The following TENM3 variants were observed in gnomAD, a reference collection of about 807,000 sequenced individuals.
The protein encoded by TENM3 is teneurin transmembrane protein 3, also known as teneurin-3.
In TENM3, 63 loss-of-function variants were observed where a neutral mutation model predicts 255.1. That is an observed-to-expected ratio of 0.25 (90% confidence interval 0.20 to 0.30). The LOEUF (loss-of-function observed/expected upper bound fraction) is 0.30, where lower values mean the gene tolerates loss of function less well. TENM3 is among the 10% of genes least tolerant of loss of function. The probability of loss-of-function intolerance (pLI) is 1.00; values close to 1 mark genes in which losing one functional copy is unlikely to be tolerated. For synonymous variants in TENM3, 1,306 were observed against 1,322.3 expected (o/e 0.99, Z 0.27); for missense variants, 2,929 against 3,461.1 (o/e 0.85, Z 3.86).
At chr4:181,575,737 CT>C in the TENM3 span, among the ~76,000 whole-genome samples, 2 of 152,164 alleles carry the variant, frequency 1.3e-5, no homozygotes, top group Admixed American at 1.3e-4. Flanking sequence ...GGTTCAACTC[CT>C]TTTTCTTTAG....
At chr4:181,673,609 A>C in the TENM3 span, among the ~76,000 whole-genome samples, 3 of 152,172 alleles carry the variant, frequency 2.0e-5, no homozygotes, top group Non-Finnish European at 4.4e-5. Context: ...CTCATTTTAA[A>C]GTAAGGATTT....
At chr4:182,573,642 G>C (rs1457777801) in intron 3 of TENM3, among the ~76,000 whole-genome samples, 2 of 152,242 alleles carry the variant, frequency 1.3e-5, no homozygotes, top group Non-Finnish European at 2.9e-5. Flanking sequence ...GCAACATGTC[G>C]GTTAAAATTT....
chr4:181,534,235 C>CA, the TENM3 span, among the ~76,000 whole-genome samples: 4,916 of 112,222 alleles, frequency 0.044, 199 homozygotes, highest in East Asian at 0.12. Flanking sequence ...GACTCCACCT[C>CA]AAAAAAAAAA....
chr4:182,044,682 G>A, the TENM3 span, among the ~76,000 whole-genome samples: 1 of 151,684 alleles, frequency 6.6e-6, no homozygotes, highest in Admixed American at 6.6e-5. Context: ...ATTAGCCAAG[G>A]CTATCATTTT....
chr4:181,829,395 A>C, the TENM3 span, among the ~76,000 whole-genome samples: 260 of 152,282 alleles, frequency 1.7e-3, 1 homozygote, highest in South Asian at 0.01. Flanking sequence ...GATGGGGCTA[A>C]ATATGTGTTA....
chr4:181,831,036 C>T, the TENM3 span, among the ~76,000 whole-genome samples: 12 of 152,172 alleles, frequency 7.9e-5, no homozygotes, highest in South Asian at 4.1e-4. Flanking sequence ...ATCTTTCTCT[C>T]TTTCCAACCC....
At chr4:182,515,897 C>T (rs1402827926) in intron 3 of TENM3, among the ~76,000 whole-genome samples, 1 of 152,098 alleles carries the variant, frequency 6.6e-6, no homozygotes, top group East Asian at 1.9e-4. Context: ...CTTGTGATTC[C>T]ACACACAGCT....
chr4:181,871,323 A>G, the TENM3 span, among the ~76,000 whole-genome samples: 2 of 152,104 alleles, frequency 1.3e-5, no homozygotes, highest in African/African-American at 4.8e-5. Context: ...TTGAATCTAT[A>G]GTTCAATTTG....
intron 19 of TENM3, among the ~76,000 whole-genome samples, chr4:182,746,210 A>G (rs1431275270): frequency 6.6e-6 from 1 of 152,214 alleles, no homozygotes; most frequent in African/African-American, 2.4e-5. Flanking sequence ...TTGACACTTA[A>G]TCATACCCGT....
rs201263595 is a variant in TENM3 at position 182,208,287 on chromosome 4, GT to G, written c.-76+63536del. On this transcript the variant is annotated intron_variant, in intron 1 of 2. Coordinates refer to the TENM3 transcript ENST00000512480. ...GATCTGAATGTACCTTAACACGTCA[GT>G]TTCTATGAATATGCTCATGATTCAC... Among the ~76,000 whole-genome samples, 775 of 152,302 alleles carry G rather than the reference GT, an allele frequency of 5.1e-3. 1 individual carries two copies. Among genetic ancestry groups the G allele is most frequent in the African/African-American group, 0.018 (731 of 41,582 alleles).
chr4:181,779,051 A>G, the TENM3 span, among the ~76,000 whole-genome samples: 1 of 152,104 alleles, frequency 6.6e-6, no homozygotes, highest in Non-Finnish European at 1.5e-5. Flanking sequence ...TACTGGAGTG[A>G]GTCTACAAAG....
At chr4:182,327,063 T>TCTG (rs1424691872) in intron 2 of TENM3, among the ~76,000 whole-genome samples, 1 of 152,138 alleles carries the variant, frequency 6.6e-6, no homozygotes, top group Admixed American at 6.5e-5. Context: ...GTAAGGAAAG[T>TCTG]CTGCTATCAG....
At chr4:182,797,449 ATAAT>A (rs530484345) in intron 27 of TENM3, among the ~76,000 whole-genome samples, 15 of 151,848 alleles carry the variant, frequency 9.9e-5, no homozygotes, top group South Asian at 2.1e-4. Flanking sequence ...CAAAAAAAAA[ATAAT>A]TAATTAATTA....
the TENM3 span, among the ~76,000 whole-genome samples, chr4:182,028,131 C>T: frequency 3.9e-5 from 6 of 152,118 alleles, no homozygotes; most frequent in Admixed American, 1.3e-4. Context: ...CTTTTTATCA[C>T]GGCTTTGATC....
chr4:181,620,885 A>G, the TENM3 span, among the ~76,000 whole-genome samples: 14,865 of 152,186 alleles, frequency 0.098, 828 homozygotes, highest in South Asian at 0.21. Context: ...TTTTAATGTT[A>G]CCACTTATGG....
intron 3 of TENM3, among the ~76,000 whole-genome samples, chr4:182,443,926 G>C (rs1772701341): frequency 6.6e-6 from 1 of 152,114 alleles, no homozygotes; most frequent in Admixed American, 6.5e-5. Flanking sequence ...GGTTTTTGGG[G>C]GGTGAAATAA....
At chr4:182,684,017 A>T (rs1335714833) in intron 11 of TENM3, among the ~76,000 whole-genome samples, 1 of 151,826 alleles carries the variant, frequency 6.6e-6, no homozygotes, top group East Asian at 1.9e-4. Flanking sequence ...GAAAGTTGGG[A>T]AAGGGGGAGG....
chr4:181,873,838 G>C, the TENM3 span, among the ~76,000 whole-genome samples: 2 of 152,028 alleles, frequency 1.3e-5, no homozygotes, highest in African/African-American at 4.8e-5. Context: ...AGGCTGAAGT[G>C]CAGTGGCATG....
chr4:181,565,345 C>T, the TENM3 span, among the ~76,000 whole-genome samples: 1 of 152,176 alleles, frequency 6.6e-6, no homozygotes, highest in Non-Finnish European at 1.5e-5. Flanking sequence ...CGTATTTAAA[C>T]TCAGGTATTA....
Sources: allele counts gnomAD v4.1 joint callset (sites outside exome capture counted in the v4.1 genomes callset), GRCh38; gene constraint gnomAD v4.1.1; transcripts MANE v1.5; gene names NCBI Gene and HGNC (gene_info 2026-07-23, HGNC 2026-07-21).